The following SNX2 variants were observed in gnomAD, a reference collection of about 807,000 sequenced individuals.
The protein encoded by SNX2 is sorting nexin-2.
A neutral mutation model predicts 69.9 loss-of-function variants in SNX2; 25 were observed. The observed-to-expected ratio is 0.36, with a 90% CI of 0.26 to 0.50. SNX2 has a LOEUF of 0.50. Among genes scored for constraint, SNX2 ranks in the 20% least tolerant of loss-of-function variants. The pLI, the probability that SNX2 is intolerant of heterozygous loss-of-function variation, is 0.97. For synonymous variants in SNX2, 229 were observed against 200.4 expected (o/e 1.14, Z -1.20); for missense variants, 551 against 613.3 (o/e 0.90, Z 1.07).
At chr5:122,808,875 T>C (rs889237602) in intron 7 of SNX2, among the ~76,000 whole-genome samples, 8 of 152,184 alleles carry the variant, frequency 5.3e-5, no homozygotes, top group African/African-American at 1.9e-4. Flanking sequence ...TTCTGATGAG[T>C]TTTTACTTAG....
rs367655370 is a variant in SNX2 at position 122,779,287 on chromosome 5, CT to C, written c.108+4077del. On this transcript the variant is annotated intron_variant, in intron 1 of 14. Transcript: ENST00000379516. ...GTTTTCATCACCTCAGAAAGATACC[CT>C]GTACCCTTTAGCTATCATCCCACGC... Among the ~76,000 whole-genome samples the C allele has an allele frequency of 3.7e-3, 565 of 152,306 alleles. 7 individuals carry two copies. The highest frequency in any genetic ancestry group is 0.012 in the African/African-American group (506 of 41,554).
At chr5:122,782,204 T>C (rs1752993847) in intron 1 of SNX2, among the ~76,000 whole-genome samples, 1 of 152,196 alleles carries the variant, frequency 6.6e-6, no homozygotes, top group South Asian at 2.1e-4. Context: ...TTATCTTTTT[T>C]GGTTATGTGT....
At chr5:122,802,771 A>G (rs1350477148) in intron 5 of SNX2, among the ~76,000 whole-genome samples, 1 of 152,228 alleles carries the variant, frequency 6.6e-6, no homozygotes, top group East Asian at 1.9e-4. Context: ...AAGCAGTAAT[A>G]CTTTATACTA....
At chr5:122,824,869 A>T (rs1260059491) in intron 11 of SNX2, among the ~76,000 whole-genome samples, 1 of 152,198 alleles carries the variant, frequency 6.6e-6, no homozygotes, top group Non-Finnish European at 1.5e-5. Flanking sequence ...TTAAGCATCC[A>T]CTAGGTTAAG....
At chr5:122,818,362 C>G (rs1753947538) in intron 10 of SNX2, among the ~76,000 whole-genome samples, 1 of 152,046 alleles carries the variant, frequency 6.6e-6, no homozygotes, top group Non-Finnish European at 1.5e-5. Context: ...ATAATTTTAC[C>G]TTTGCTCCTG....
intron 11 of SNX2, 35 bp downstream of exon 11, chr5:122,819,058 G>A (rs549275509): frequency 7.2e-6 from 11 of 1,517,586 alleles, no homozygotes; most frequent in East Asian, 6.8e-5. Flanking sequence ...CACTTGTGTC[G>A]TGTACTTTAA....
rs1753560708 is a variant in SNX2, at chr5:122,803,489, CA to C, written c.520del (p.Ser174ValfsTer7). 1 of 1,609,932 alleles carries C rather than the reference CA, an allele frequency of 6.2e-7. No individual in the cohort carries two copies. Among genetic ancestry groups the C allele is most frequent in the African/African-American group, 1.3e-5 (1 of 74,756 alleles). On this transcript the variant is annotated frameshift_variant, in exon 6 of 15. Transcript: ENST00000379516. LOFTEE classifies it high-confidence loss of function. ...ACTTGTAGACATCTCTTTCCATGTT[CA>C]GTAAGAGTGAATTTTCAGTGAAAAG... ...VTTKTSLSMF[S>X]KSEFSVKRRF...
intron 1 of SNX2, 30 bp from the exon 2 acceptor site, chr5:122,795,236 C>A: frequency 7.3e-7 from 1 of 1,369,072 alleles, no homozygotes. Flanking sequence ...ACATGCCAAT[C>A]CATTACCTAT....
Position 122,775,175 on chromosome 5 carries a change from A to G in SNX2, c.72A>G (p.Gly24=). The G allele has an allele frequency of 6.3e-7, 1 of 1,594,414 alleles. No homozygotes were observed. Residue 24 remains glycine, a synonymous_variant, in exon 1 of 15, where the codon GGA becomes GGG. Coordinates refer to ENST00000379516, the MANE Select transcript of SNX2 (RefSeq NM_003100.4). ...CCGACTTTGAGGATCTGGAGGACGGAGAGGACCTGTTCACCAGCACTGTCT... is the reference window on the plus strand; with the variant it reads ...CCGACTTTGAGGATCTGGAGGACGGGGAGGACCTGTTCACCAGCACTGTCT... ...KPTDFEDLED[G]EDLFTSTVST...
intron 9 of SNX2, 113 bp from the exon 10 acceptor site, chr5:122,817,167 G>GT (rs1753918266): frequency 8.5e-7 from 1 of 1,174,208 alleles, no homozygotes; most frequent in African/African-American, 1.5e-5. Context: ...TGGCCACCAT[G>GT]GTTATAAGGT....
intron 6 of SNX2, among the ~76,000 whole-genome samples, chr5:122,807,584 T>G (rs1227163538): frequency 6.6e-6 from 1 of 152,220 alleles, no homozygotes; most frequent in Non-Finnish European, 1.5e-5. Context: ...ATCAATACCT[T>G]GTTTCCACAG....
chr5:122,809,422 A>AGC (rs1289546130), intron 7 of SNX2, among the ~76,000 whole-genome samples: 2 of 152,200 alleles, frequency 1.3e-5, no homozygotes, highest in Non-Finnish European at 2.9e-5. Flanking sequence ...TCTTCCTTGA[A>AGC]GCAGACTAAA....
chr5:122,794,847 C>T (rs1222811159), intron 1 of SNX2, among the ~76,000 whole-genome samples: 1 of 151,846 alleles, frequency 6.6e-6, no homozygotes, highest in Non-Finnish European at 1.5e-5. Flanking sequence ...GAAACCCCAT[C>T]TCTACAAAAA....
At chr5:122,775,485 T>C (rs1752835996) in intron 1 of SNX2, 5 of 1,129,066 alleles carry the variant, frequency 4.4e-6, no homozygotes, top group Admixed American at 4.9e-5. Context: ...CTTTCCCAGC[T>C]CAGCTGGCCT....
At chr5:122,827,852 A>G (rs1754190316) in intron 14 of SNX2, 1 of 498,300 alleles carries the variant, frequency 2.0e-6, no homozygotes, top group Non-Finnish European at 3.6e-6. Context: ...GCTTAACACT[A>G]AGGCAGAGAT....
At chr5:122,809,531 A>G (rs1360875536) in intron 7 of SNX2, among the ~76,000 whole-genome samples, 1 of 152,234 alleles carries the variant, frequency 6.6e-6, no homozygotes, top group East Asian at 1.9e-4. Flanking sequence ...AATATAAATT[A>G]TCTTAAAGCC....
rs758822766 is a variant in SNX2, at chr5:122,818,926, A to G, written c.1115A>G (p.Glu372Gly). Reference protein sequence around the residue: ...RALSQLAEVEEKIDQLHQEQA... With the variant: ...RALSQLAEVEGKIDQLHQEQA... ...TTGTCTCAGCTTGCAGAGGTTGAGGAGAAGATAGACCAGTTACATCAAGAA... is the reference window on the plus strand; with the variant it reads ...TTGTCTCAGCTTGCAGAGGTTGAGGGGAAGATAGACCAGTTACATCAAGAA... Residue 372 changes from glutamate (E) to glycine (G), a missense_variant, in exon 11 of 15, where the codon GAG becomes GGG. Physicochemically the swap from Glu to Gly is moderately conservative, Grantham distance 98. This residue lies in a region of SNX2 where 360 missense variants were observed against 450.4 expected (regional missense o/e 0.80). Coordinates refer to ENST00000379516, the MANE Select transcript of SNX2 (RefSeq NM_003100.4). 6.2e-7 allele frequency: 1 copy of G among 1,613,976 alleles called. No homozygotes were observed.
At chr5:122,818,207 C>T (rs1040395711) in intron 10 of SNX2, among the ~76,000 whole-genome samples, 3 of 152,036 alleles carry the variant, frequency 2.0e-5, no homozygotes, top group African/African-American at 4.8e-5. Context: ...TAGTCATTGA[C>T]AGTATTCAGC....
intron 6 of SNX2, among the ~76,000 whole-genome samples, chr5:122,806,152 A>ACACACACACACACACG: frequency 8.1e-6 from 1 of 124,096 alleles, no homozygotes; most frequent in African/African-American, 3.0e-5. Context: ...GCACACACAC[A>ACACACACACACACACG]CACACACACA....
Sources: gnomAD v4.1 joint callset for allele counts (sites outside exome capture counted in the v4.1 genomes callset) on GRCh38, gnomAD v4.1.1 for gene constraint, gnomAD v4.1.1 regional missense constraint, MANE v1.5 for transcripts, NCBI Gene and HGNC (gene_info 2026-07-23, HGNC 2026-07-21) for gene names.